Variants in KIAA0232 observed in about 807,000 individuals in gnomAD.
KIAA0232 encodes KIAA0232, also known as uncharacterized protein KIAA0232.
In KIAA0232, 27 loss-of-function variants were observed where a neutral mutation model predicts 122.0. The observed-to-expected ratio is 0.22, with a 90% confidence interval of 0.16 to 0.31. KIAA0232 has a LOEUF of 0.31. KIAA0232 is among the 10% of genes least tolerant of loss of function. The pLI is 1.00. For missense variants in KIAA0232, 1,551 were observed against 1,634.2 expected, an observed-to-expected ratio of 0.95 and a Z score of 0.88; for synonymous variants, 613 against 587.6, an observed-to-expected ratio of 1.04 and a Z score of -0.63.
rs557762955 is a variant in KIAA0232 at position 6,831,325 on chromosome 4, A to T, written c.231+6641A>T. The stretch of plus-strand genomic sequence containing the variant: ...CGCCTCGGCCTCCCAAAGCGCTGGG[A>T]TTACAGGCGTGAGCCACCACACCTG... On this transcript the variant is annotated intron_variant, in intron 3 of 9. Coordinates refer to ENST00000307659, the MANE Select transcript of KIAA0232 (RefSeq NM_014743.3). Among the ~76,000 whole-genome samples the T allele has an allele frequency of 3.9e-5, 6 of 152,296 alleles. No homozygotes were observed. In the East Asian group the frequency reaches 9.7e-4, roughly 25 times the overall value.
rs754825793 is a variant in KIAA0232, at chr4:6,862,019, A to G, written c.1637A>G (p.Asp546Gly). The part of the protein sequence containing the change: ...MIRQKSKENT[D>G]FEAECCIVLD... ...CGACAGAAAAGCAAAGAGAACACAG[A>G]TTTTGAGGCAGAATGTTGCATAGTG... The change falls in exon 7 of 10, where the codon GAT becomes GGT. Residue 546 changes from aspartate to glycine, a missense_variant. Physicochemically the swap from Asp to Gly is moderately conservative, Grantham distance 94 (BLOSUM62 -1). Coordinates refer to ENST00000307659, the MANE Select transcript of KIAA0232 (RefSeq NM_014743.3). The G allele has an allele frequency of 1.9e-6, 3 of 1,614,202 alleles. No individual in the cohort carries two copies. The East Asian group carries it at 6.7e-5, about 36-fold the overall frequency.
In KIAA0232 at chr4:6,882,573, G is replaced by A. The variant is rs1215164260; in HGVS notation, c.*1607G>A. 5 of 151,884 alleles carry A rather than the reference G, an allele frequency of 3.3e-5. No individual in the cohort carries two copies. Among genetic ancestry groups the A allele is most frequent in the East Asian group, 1.9e-4 (1 of 5,164 alleles). The allele number at this position is 151,884 out of a possible 1,614,324, so 9.4% of individuals were successfully genotyped here. On this transcript the variant is annotated 3_prime_UTR_variant, in exon 10 of 10. Coordinates refer to ENST00000307659, the MANE Select transcript of KIAA0232 (RefSeq NM_014743.3). ...GTGCCCGCCGGGTCGATCTTCCCAC[G>A]TGTTAGGGTTTATTTTTATACAACA...
At chr4:6,865,640 A>G (rs988265185) in intron 7 of KIAA0232, among the ~76,000 whole-genome samples, 1 of 152,200 alleles carries the variant, frequency 6.6e-6, no homozygotes, top group African/African-American at 2.4e-5. Context: ...TTTAGAAGCC[A>G]TGCCACCTGT....
Position 6,882,331 on chromosome 4 carries a change from C to G in KIAA0232, c.*1365C>G, listed in dbSNP as rs1317454842. The G allele has an allele frequency of 6.6e-6, 1 of 152,154 alleles. No homozygotes were observed. The highest frequency in any genetic ancestry group is 1.5e-5 in the Non-Finnish European group (1 of 68,028). The allele number at this position is 152,154 out of a possible 1,614,324, so 9.4% of individuals were successfully genotyped here. A position where few individuals can be genotyped will look rare whatever the true frequency, so the allele number is the denominator to read the frequency against. The stretch of plus-strand genomic sequence containing the variant: ...GGAGCATCAGGAATGGCAGAAAAGT[C>G]TGATGCGCTCTAGACAGCTTCACCA... On this transcript the variant is annotated 3_prime_UTR_variant, in exon 10 of 10. Coordinates refer to ENST00000307659, the MANE Select transcript of KIAA0232 (RefSeq NM_014743.3).
At position 6,802,538 on chromosome 4, in the gene KIAA0232, A is replaced by AC. The variant is rs150951826; in HGVS notation, c.-353-1977dup. ...TTCTCTTTCTCTGTGACTCTTCTCA[A>AC]CCCCCCCCAACCCACCAGCCCCCTT... is the stretch of plus-strand genomic sequence containing the variant. On this transcript the variant is annotated intron_variant, in intron 1 of 9. Transcript: ENST00000307659. 3.8e-3 allele frequency among the ~76,000 whole-genome samples: 566 copies of AC among 149,862 alleles called. 5 individuals are homozygous for AC. The highest frequency in any genetic ancestry group is 0.012 in the South Asian group (57 of 4,722).
At chr4:6,865,581 G>A (rs751887132) in intron 7 of KIAA0232, among the ~76,000 whole-genome samples, 1 of 152,246 alleles carries the variant, frequency 6.6e-6, no homozygotes, top group Non-Finnish European at 1.5e-5. Flanking sequence ...GATTACAGGC[G>A]TGAGCCACCG....
chr4:6,802,994 A>G (rs554301920), intron 1 of KIAA0232, among the ~76,000 whole-genome samples: 1 of 147,592 alleles, frequency 6.8e-6, no homozygotes, highest in South Asian at 2.2e-4. Context: ...TACTTGAGCA[A>G]CATACTCTGT....
At chr4:6,879,246 C>A (rs1172011484) in intron 9 of KIAA0232, among the ~76,000 whole-genome samples, 1 of 152,138 alleles carries the variant, frequency 6.6e-6, no homozygotes, top group African/African-American at 2.4e-5. Flanking sequence ...CTCACAACGA[C>A]CCTGTGAGGT....
chr4:6,865,562 A>G (rs1014979445), intron 7 of KIAA0232, among the ~76,000 whole-genome samples: 23 of 152,332 alleles, frequency 1.5e-4, no homozygotes, highest in African/African-American at 5.5e-4. Context: ...TGGCCTCCCA[A>G]AGTGTTGGGA....
intron 2 of KIAA0232, among the ~76,000 whole-genome samples, chr4:6,812,582 G>A (rs1039784891): frequency 6.6e-6 from 1 of 152,184 alleles, no homozygotes; most frequent in Non-Finnish European, 1.5e-5. Flanking sequence ...CTGAAATTAT[G>A]TATGAGTGTC....
chr4:6,836,541 C>CTTTTTTTTTTTTT (rs1465134876), intron 3 of KIAA0232, among the ~76,000 whole-genome samples: 43 of 92,588 alleles, frequency 4.6e-4, no homozygotes, highest in Non-Finnish European at 5.4e-4. Flanking sequence ...TTTTTTTTTT[C>CTTTTTTTTTTTTT]TTTTCTTTTT....
intron 2 of KIAA0232, among the ~76,000 whole-genome samples, chr4:6,811,937 C>T (rs916478387): frequency 6.6e-6 from 1 of 151,852 alleles, no homozygotes; most frequent in Non-Finnish European, 1.5e-5. Flanking sequence ...CTTGTTATTC[C>T]ATACAGTCTG....
chr4:6,880,821 A>G lies in KIAA0232; in HGVS notation c.4043A>G (p.Glu1348Gly), dbSNP rs200312258. 2.2e-4 allele frequency: 351 copies of G among 1,597,856 alleles called. 1 individual carries two copies. The African/African-American group carries it at 4.2e-3, about 19-fold the overall frequency. Residue 1348 changes from glutamate to glycine, a missense_variant, in exon 10 of 10, where the codon GAG becomes GGG. Coordinates refer to ENST00000307659, the MANE Select transcript of KIAA0232 (RefSeq NM_014743.3). ...SSVYEARCTGERDSGAKSDGF... is the reference protein window; with the variant it reads ...SSVYEARCTGGRDSGAKSDGF... ...GTTTATGAAGCAAGATGTACAGGAG[A>G]GAGAGATTCTGGAGCAAAGTCAGAT...
intron 2 of KIAA0232, among the ~76,000 whole-genome samples, chr4:6,812,777 G>C (rs1717937387): frequency 6.6e-6 from 1 of 152,116 alleles, no homozygotes; most frequent in African/African-American, 2.4e-5. Context: ...GCCCAGAGAA[G>C]CCCAGTTTGT....
chr4:6,844,084 C>T (rs918328074), intron 4 of KIAA0232, among the ~76,000 whole-genome samples: 9 of 151,440 alleles, frequency 5.9e-5, no homozygotes, highest in Non-Finnish European at 1.0e-4. Flanking sequence ...GGACTACAGG[C>T]GCCCGCCACC....
intron 4 of KIAA0232, among the ~76,000 whole-genome samples, chr4:6,843,464 T>A (rs1197840402): frequency 6.6e-6 from 1 of 152,106 alleles, no homozygotes; most frequent in Non-Finnish European, 1.5e-5. Context: ...TCTGTTCTCA[T>A]CCAACTCCTA....
chr4:6,850,877 C>G (rs1560192901), intron 4 of KIAA0232, among the ~76,000 whole-genome samples: 1 of 152,146 alleles, frequency 6.6e-6, no homozygotes, highest in Non-Finnish European at 1.5e-5. Context: ...ACCATGTTGG[C>G]CAGGATGGTC....
rs1453320181 is a variant in KIAA0232, at chr4:6,783,874, C to A, written c.-354+1033C>A. On this transcript the variant is annotated intron_variant, in intron 1 of 9. Transcript: ENST00000307659. ...CCTTTCCAACAATACGCGTCTGCAG[C>A]CGGCATTTCTAGAGCTCTCTGCTTC... is the stretch of plus-strand genomic sequence containing the variant. Among the ~76,000 whole-genome samples the A allele has an allele frequency of 2.6e-5, 4 of 152,212 alleles. No homozygotes were observed. The East Asian group carries it at 5.8e-4, about 22-fold the overall frequency.
intron 1 of KIAA0232, among the ~76,000 whole-genome samples, chr4:6,793,298 A>C (rs1313645367): frequency 6.6e-6 from 1 of 152,198 alleles, no homozygotes; most frequent in Non-Finnish European, 1.5e-5. Flanking sequence ...TGAAATCCAC[A>C]CAGAGTCAGT....
Sources: gnomAD v4.1 joint callset for allele counts (sites outside exome capture counted in the v4.1 genomes callset) on GRCh38, gnomAD v4.1.1 for gene constraint, MANE v1.5 for transcripts, NCBI Gene and HGNC (gene_info 2026-07-23, HGNC 2026-07-21) for gene names.